Variants in AGMO observed in about 807,000 individuals in gnomAD.
The protein encoded by AGMO is alkylglycerol monooxygenase, also known as glyceryl-ether monooxygenase.
In AGMO, 75 loss-of-function variants were observed where a neutral mutation model predicts 60.2. The observed-to-expected ratio is 1.25, with a 90% confidence interval of 1.03 to 1.51. The LOEUF (loss-of-function observed/expected upper bound fraction) is 1.51, where lower values mean the gene tolerates loss of function less well. Among genes scored for constraint, AGMO ranks in the 40% most tolerant of loss-of-function variants. AGMO has a pLI of 0.00. For missense variants in AGMO, 763 were observed against 525.5 expected (o/e 1.45, Z -4.42); for synonymous variants, 261 against 177.1 (o/e 1.47, Z -3.76).
chr7:15,347,746 T>G (rs1486723976), intron 12 of AGMO, among the ~76,000 whole-genome samples: 1 of 152,062 alleles, frequency 6.6e-6, no homozygotes, highest in East Asian at 1.9e-4. Context: ...TAAATAGCTC[T>G]GTGCAGATCA....
At chr7:15,494,247 C>G (rs568451485) in intron 3 of AGMO, among the ~76,000 whole-genome samples, 1 of 152,138 alleles carries the variant, frequency 6.6e-6, no homozygotes, top group African/African-American at 2.4e-5. Flanking sequence ...AATAGAGGCT[C>G]ATCAAAATGA....
At chr7:15,379,128 G>C (rs1562471797) in intron 10 of AGMO, among the ~76,000 whole-genome samples, 1 of 152,062 alleles carries the variant, frequency 6.6e-6, no homozygotes, top group East Asian at 1.9e-4. Flanking sequence ...GCAGTGTTAA[G>C]AGAGAAATTT....
intron 12 of AGMO, among the ~76,000 whole-genome samples, chr7:15,205,888 G>T (rs887932521): frequency 6.6e-6 from 1 of 152,012 alleles, no homozygotes; most frequent in Non-Finnish European, 1.5e-5. Context: ...TATCAGTGAG[G>T]TTTATAAAAT....
chr7:15,377,584 G>A (rs1218823544), intron 10 of AGMO, among the ~76,000 whole-genome samples: 2 of 151,914 alleles, frequency 1.3e-5, no homozygotes, highest in Admixed American at 6.6e-5. Flanking sequence ...TTGTTTCTAT[G>A]AATCAGTATA....
chr7:15,287,323 CTG>C (rs1784126476), intron 12 of AGMO, among the ~76,000 whole-genome samples: 1 of 152,192 alleles, frequency 6.6e-6, no homozygotes, highest in Non-Finnish European at 1.5e-5. Flanking sequence ...TTCATGACTT[CTG>C]TAACTAGAAA....
chr7:15,310,316 A>T (rs970423348), intron 12 of AGMO, among the ~76,000 whole-genome samples: 1 of 152,134 alleles, frequency 6.6e-6, no homozygotes, highest in Non-Finnish European at 1.5e-5. Flanking sequence ...TTTTAGCAAA[A>T]ATTTCATTCT....
At chr7:15,331,271 A>C (rs1001466740) in intron 12 of AGMO, among the ~76,000 whole-genome samples, 5 of 152,236 alleles carry the variant, frequency 3.3e-5, no homozygotes, top group Admixed American at 2.0e-4. Flanking sequence ...TTGAATTCCT[A>C]ATCAATAGAA....
intron 12 of AGMO, among the ~76,000 whole-genome samples, chr7:15,231,301 A>C (rs2128499514): frequency 6.6e-6 from 1 of 152,274 alleles, no homozygotes; most frequent in African/African-American, 2.4e-5. Flanking sequence ...TTTGTTTGAC[A>C]ATCAAAACTT....
chr7:15,158,676 T>C, the AGMO span, among the ~76,000 whole-genome samples: 2 of 152,184 alleles, frequency 1.3e-5, no homozygotes, highest in Non-Finnish European at 2.9e-5. Context: ...GGTCCATTCA[T>C]AAAGCAGAAT....
chr7:15,531,408 A>C (rs1213811138), intron 3 of AGMO, among the ~76,000 whole-genome samples: 5 of 85,282 alleles, frequency 5.9e-5, no homozygotes, highest in Admixed American at 5.4e-4. Flanking sequence ...TATATATTCT[A>C]TATATATTCT....
At chr7:15,376,223 C>G (rs940784858) in intron 10 of AGMO, among the ~76,000 whole-genome samples, 2 of 151,700 alleles carry the variant, frequency 1.3e-5, no homozygotes, top group Non-Finnish European at 2.9e-5. Flanking sequence ...TAGTTACCAC[C>G]GAAAATCTTA....
intron 3 of AGMO, among the ~76,000 whole-genome samples, chr7:15,444,647 G>A (rs1781651966): frequency 6.6e-6 from 1 of 152,078 alleles, no homozygotes; most frequent in African/African-American, 2.4e-5. Context: ...GCATTTCCTT[G>A]ATTTCCTCCC....
At chr7:15,478,613 G>A (rs1409732190) in intron 3 of AGMO, among the ~76,000 whole-genome samples, 2 of 152,138 alleles carry the variant, frequency 1.3e-5, no homozygotes, top group Non-Finnish European at 2.9e-5. Context: ...GCAAAATCCT[G>A]TGGAATTTGC....
At chr7:15,301,064 G>A (rs1389698938) in intron 12 of AGMO, among the ~76,000 whole-genome samples, 1 of 152,100 alleles carries the variant, frequency 6.6e-6, no homozygotes, top group Non-Finnish European at 1.5e-5. Flanking sequence ...ATACATTTAA[G>A]AAATCTTTTC....
intron 12 of AGMO, among the ~76,000 whole-genome samples, chr7:15,252,521 C>G (rs1378303041): frequency 2.6e-5 from 4 of 152,166 alleles, no homozygotes; most frequent in Non-Finnish European, 5.9e-5. Context: ...CAGCTGAGGG[C>G]AAACTCCAGC....
At chr7:15,166,399 C>G in the AGMO span, among the ~76,000 whole-genome samples, 48 of 152,084 alleles carry the variant, frequency 3.2e-4, no homozygotes, top group Non-Finnish European at 6.5e-4. Context: ...ATGCTGGTGT[C>G]GGGAGACCAG....
intron 12 of AGMO, among the ~76,000 whole-genome samples, chr7:15,299,036 GTGTTACCTCT>G (rs1165421979): frequency 1.3e-5 from 2 of 151,982 alleles, no homozygotes; most frequent in Non-Finnish European, 2.9e-5. Context: ...CTCAGCTCAA[GTGTTACCTCT>G]TTTTGAAATT....
chr7:15,480,959 G>A (rs6958650), intron 3 of AGMO, among the ~76,000 whole-genome samples: 51,304 of 150,404 alleles, frequency 0.34, 9,873 homozygotes, highest in East Asian at 0.6. Flanking sequence ...TTATGTTCAA[G>A]CATAATTAAT....
chr7:15,304,401 C>G (rs1416585598), intron 12 of AGMO, among the ~76,000 whole-genome samples: 1 of 151,998 alleles, frequency 6.6e-6, no homozygotes, highest in African/African-American at 2.4e-5. Context: ...CAAGGCCAAA[C>G]CAGGACAGAA....
Sources: gnomAD v4.1 joint callset for allele counts (sites outside exome capture counted in the v4.1 genomes callset) on GRCh38, gnomAD v4.1.1 for gene constraint, MANE v1.5 for transcripts, NCBI Gene and HGNC (gene_info 2026-07-23, HGNC 2026-07-21) for gene names.